CSMD3: variants seen among roughly 807,000 people sequenced by gnomAD.
The protein encoded by CSMD3 is CUB and sushi domain-containing protein 3.
A neutral mutation model predicts 435.2 loss-of-function variants in CSMD3; 177 were observed. That is an observed-to-expected ratio of 0.41 (90% CI 0.36 to 0.46). The LOEUF is 0.46. Ranked by LOEUF, CSMD3 falls within the 20% of genes least tolerant of loss-of-function variation. The probability of loss-of-function intolerance (pLI) is 0.34; values close to 1 mark genes in which losing one functional copy is unlikely to be tolerated. For synonymous variants in CSMD3, 1,656 were observed against 1,520.5 expected (o/e 1.09, Z -2.07); for missense variants, 4,265 against 4,504.6 (o/e 0.95, Z 1.52).
At chr8:112,407,359 C>T (rs919826044) in intron 34 of CSMD3, among the ~76,000 whole-genome samples, 1 of 151,652 alleles carries the variant, frequency 6.6e-6, no homozygotes, top group Admixed American at 6.6e-5. Context: ...ATAGGTATGC[C>T]CTTTAATTGT....
intron 3 of CSMD3, among the ~76,000 whole-genome samples, chr8:113,235,280 C>A (rs1409056402): frequency 6.6e-6 from 1 of 152,092 alleles, no homozygotes; most frequent in African/African-American, 2.4e-5. Context: ...CCCTACCTTC[C>A]TGTACCTGGT....
At chr8:112,616,312 C>T (rs894606145) in intron 22 of CSMD3, among the ~76,000 whole-genome samples, 1 of 151,816 alleles carries the variant, frequency 6.6e-6, no homozygotes, top group African/African-American at 2.4e-5. Flanking sequence ...ATGACATAAG[C>T]ATTTTTAGTG....
intron 13 of CSMD3, among the ~76,000 whole-genome samples, chr8:112,704,411 T>C (rs1165393597): frequency 6.6e-6 from 1 of 152,166 alleles, no homozygotes; most frequent in Non-Finnish European, 1.5e-5. Flanking sequence ...CACTGAGTAT[T>C]TATCACAAGC....
chr8:113,409,331 T>C (rs4326408), intron 1 of CSMD3, among the ~76,000 whole-genome samples: 120,639 of 151,746 alleles, frequency 0.8, 48,848 homozygotes, highest in African/African-American at 0.95. Flanking sequence ...GAAGCACCCC[T>C]CTCGGCCTCC....
At chr8:112,282,239 T>TGTGTGTGTGTGTGCATGCGC (rs1257388570) in intron 58 of CSMD3, among the ~76,000 whole-genome samples, 6 of 152,024 alleles carry the variant, frequency 3.9e-5, no homozygotes, top group African/African-American at 1.4e-4. Flanking sequence ...GCCGTGTGTG[T>TGTGTGTGTGTGTGCATGCGC]GTGTGTGTGT....
At chr8:112,518,499 G>T (rs551676823) in intron 27 of CSMD3, among the ~76,000 whole-genome samples, 2 of 152,062 alleles carry the variant, frequency 1.3e-5, no homozygotes, top group Admixed American at 1.3e-4. Context: ...AATTTGTTTT[G>T]TAATATCCAT....
At chr8:112,824,506 C>CA (rs2079619963) in intron 12 of CSMD3, among the ~76,000 whole-genome samples, 1 of 152,138 alleles carries the variant, frequency 6.6e-6, no homozygotes. Context: ...ATGATGGTGA[C>CA]AAAATCCCTC....
chr8:113,048,941 A>G (rs535555938), intron 5 of CSMD3, among the ~76,000 whole-genome samples: 40 of 152,258 alleles, frequency 2.6e-4, no homozygotes, highest in African/African-American at 9.4e-4. Flanking sequence ...TTTGTGTTTT[A>G]TAAGTCTCTT....
chr8:113,203,780 T>G (rs1334249366), intron 3 of CSMD3, among the ~76,000 whole-genome samples: 1 of 152,148 alleles, frequency 6.6e-6, no homozygotes, highest in Non-Finnish European at 1.5e-5. Flanking sequence ...TACAGACTTC[T>G]CTTCCTTGTT....
chr8:112,557,393 A>G (rs1247140265), intron 24 of CSMD3, among the ~76,000 whole-genome samples: 2 of 151,966 alleles, frequency 1.3e-5, no homozygotes, highest in African/African-American at 4.8e-5. Flanking sequence ...TAAGCCATCC[A>G]TACCTAAGTT....
intron 13 of CSMD3, among the ~76,000 whole-genome samples, chr8:112,731,931 T>A (rs549495719): frequency 6.6e-6 from 1 of 152,260 alleles, no homozygotes; most frequent in South Asian, 2.1e-4. Flanking sequence ...AATAGGATTT[T>A]CCAGACAGGC....
Position 113,011,938 on chromosome 8 carries a change from A to G in CSMD3, c.1030+7129T>C, listed in dbSNP as rs573127109. Among the ~76,000 whole-genome samples the G allele has an allele frequency of 6.6e-5, 10 of 152,012 alleles. No homozygotes were observed. The South Asian group carries it at 2.1e-3, about 31-fold the overall frequency. On this transcript the variant is annotated intron_variant, in intron 6 of 70. Coordinates refer to ENST00000297405, the MANE Select transcript of CSMD3 (RefSeq NM_198123.2). ...AGACTGTCAGGTCCATAAAGCAAGAAGTAAAATAATTTTCTATGTTTTTGC... is the reference window on the plus strand; with the variant it reads ...AGACTGTCAGGTCCATAAAGCAAGAGGTAAAATAATTTTCTATGTTTTTGC...
At chr8:112,978,810 T>C (rs1296728251) in intron 6 of CSMD3, among the ~76,000 whole-genome samples, 1 of 151,938 alleles carries the variant, frequency 6.6e-6, no homozygotes, top group Non-Finnish European at 1.5e-5. Flanking sequence ...TTTTTGTATA[T>C]TGATTTCACT....
chr8:113,102,370 A>G (rs1235336554), intron 4 of CSMD3, among the ~76,000 whole-genome samples: 1 of 152,170 alleles, frequency 6.6e-6, no homozygotes, highest in Non-Finnish European at 1.5e-5. Context: ...CTGTCCAAAA[A>G]GTATTCATTG....
intron 1 of CSMD3, among the ~76,000 whole-genome samples, chr8:113,419,920 A>C (rs1026599990): frequency 6.6e-6 from 1 of 152,182 alleles, no homozygotes; most frequent in Non-Finnish European, 1.5e-5. Context: ...TGGTTATTGA[A>C]GTAAAAATGT....
chr8:112,906,943 G>A (rs539359711), intron 10 of CSMD3, among the ~76,000 whole-genome samples: 248 of 151,578 alleles, frequency 1.6e-3, no homozygotes, highest in Non-Finnish European at 2.7e-3. Flanking sequence ...GAATTATAAC[G>A]AAGTATGTCA....
intron 32 of CSMD3, among the ~76,000 whole-genome samples, chr8:112,424,746 C>T (rs1812879640): frequency 6.6e-6 from 1 of 152,082 alleles, no homozygotes; most frequent in Non-Finnish European, 1.5e-5. Context: ...GGCTGGAGTA[C>T]AGTGGCGTGA....
At chr8:113,426,618 A>G (rs1427310315) in intron 1 of CSMD3, among the ~76,000 whole-genome samples, 3 of 151,448 alleles carry the variant, frequency 2.0e-5, no homozygotes, top group African/African-American at 4.8e-5. Flanking sequence ...CAAAGAAGAA[A>G]CAAATGGCTA....
At chr8:113,239,607 T>C (rs1443827037) in intron 3 of CSMD3, among the ~76,000 whole-genome samples, 2 of 152,088 alleles carry the variant, frequency 1.3e-5, no homozygotes. Flanking sequence ...AGTGGGCTGT[T>C]TCTGTAACAA....
Sources: gnomAD v4.1 joint callset for allele counts (sites outside exome capture counted in the v4.1 genomes callset) on GRCh38, gnomAD v4.1.1 for gene constraint, MANE v1.5 for transcripts, NCBI Gene and HGNC (gene_info 2026-07-23, HGNC 2026-07-21) for gene names.